The following GUCY2D variants were observed in gnomAD, a reference collection of about 807,000 sequenced individuals.
The protein encoded by GUCY2D is guanylate cyclase 2D, retinal, also known as retinal guanylyl cyclase 1.
GUCY2D carries 70 observed loss-of-function variants against 101.3 expected under a neutral mutation model. The observed-to-expected ratio is 0.69, with a 90% confidence interval of 0.57 to 0.84. The LOEUF (loss-of-function observed/expected upper bound fraction) is 0.84. Among genes scored for constraint, GUCY2D ranks in the 40% least tolerant of loss-of-function variants. GUCY2D has a pLI of 0.00. For synonymous variants in GUCY2D, 688 were observed against 670.7 expected (o/e 1.03, Z -0.40); for missense variants, 1,460 against 1,542.5 (o/e 0.95, Z 0.90).
intron 19 of GUCY2D, chr17:8,016,837 A>C (rs986369319): frequency 7.2e-6 from 3 of 419,052 alleles, no homozygotes; most frequent in African/African-American, 4.0e-5. Context: ...TGGCTTCCGC[A>C]GAAGCCTCAC....
chr17:8,008,095 G>A, intron 7 of GUCY2D, 63 bp downstream of exon 7: 1 of 994,874 alleles, frequency 1.0e-6, no homozygotes, highest in Non-Finnish European at 1.6e-6. Context: ...CCTGGGCAGA[G>A]GGGAGGCGCA....
rs61749754 is a variant in GUCY2D at position 8,007,982 on chromosome 17, C to T, written c.1618C>T (p.Arg540Cys). The T allele has an allele frequency of 5.4e-5, 87 of 1,613,652 alleles. No homozygotes were observed. The highest frequency in any genetic ancestry group is 1.4e-4 in the South Asian group (13 of 91,026). Residue 540 changes from arginine to cysteine, a missense_variant, in exon 7 of 20, where the codon CGC becomes TGC. Around this residue, in one of 3 missense-constraint regions of GUCY2D, gnomAD observed 1,196 missense variants for 1,229.6 expected, o/e 0.97. Coordinates refer to ENST00000254854, the MANE Select transcript of GUCY2D (RefSeq NM_000180.4). ...GGGTGCCCGCAGCATGTCAGACATT[C>T]GCAGCGGCCCCAGCCAACACTTGGA... ...SLGARSMSDI[R>C]SGPSQHLDSP...
In GUCY2D at chr17:8,006,379, G is replaced by A. The variant is rs1170075010; in HGVS notation, c.1043G>A (p.Gly348Asp). The A allele has an allele frequency of 1.9e-6, 3 of 1,600,362 alleles. No individual in the cohort carries two copies. Among genetic ancestry groups the A allele is most frequent in the Non-Finnish European group, 2.5e-6 (3 of 1,179,936 alleles). The change falls in exon 4 of 20, where the codon GGC becomes GAC. Residue 348 changes from glycine (G) to aspartate (D), a missense_variant. Coordinates refer to ENST00000254854, the MANE Select transcript of GUCY2D (RefSeq NM_000180.4). ...LNLQQVSPLF[G>D]TIYDAVFLLA... ...CTTCTCCAGGTCTCCCCACTCTTTGGCACCATCTATGACGCGGTCTTCTTG... is the reference window on the plus strand; with the variant it reads ...CTTCTCCAGGTCTCCCCACTCTTTGACACCATCTATGACGCGGTCTTCTTG...
In GUCY2D at chr17:8,003,390, T is replaced by C. The variant is rs562248093; in HGVS notation, c.343T>C (p.Ser115Pro). ...GACGCCGGGCTCGCTGGGGGCCGTG[T>C]CCTCCGCGCTGGCCCGCGTGTCGGG... The part of the protein sequence containing the change: ...CRTPGSLGAV[S>P]SALARVSGLV... The change falls in exon 2 of 20, where the codon TCC becomes CCC. Residue 115 changes from serine (S) to proline (P), a missense_variant. Coordinates refer to ENST00000254854, the MANE Select transcript of GUCY2D (RefSeq NM_000180.4). 198 of 1,475,088 alleles carry C rather than the reference T, an allele frequency of 1.3e-4. No homozygotes were observed. The East Asian group carries it at 2.2e-3, about 17-fold the overall frequency. The allele number at this position is 1,475,088 out of a possible 1,614,324, so 91.4% of individuals were successfully genotyped here. A position where few individuals can be genotyped will look rare whatever the true frequency, so the allele number is the denominator to read the frequency against.
At chr17:8,010,808 CA>C (rs566986521) in intron 8 of GUCY2D, among the ~76,000 whole-genome samples, 3,210 of 71,630 alleles carry the variant, frequency 0.045, 40 homozygotes, top group Middle Eastern at 0.14. Context: ...GATTCCGTCT[CA>C]AAAAAAAAAA....
At position 8,003,253 on chromosome 17, in the gene GUCY2D, C is replaced by G. The variant is rs1328542671; in HGVS notation, c.206C>G (p.Ser69Cys). 1.3e-6 allele frequency: 2 copies of G among 1,513,662 alleles called. No homozygotes were observed. Among genetic ancestry groups the G allele is most frequent in the Admixed American group, 4.1e-5 (2 of 48,340 alleles). 93.8% of individuals were successfully genotyped at this position (1,513,662 alleles called of 1,614,324 possible). The change falls in exon 2 of 20, where the codon TCT (serine) becomes TGT (cysteine). Residue 69 changes from serine to cysteine, a missense_variant. Physicochemically the swap from Ser to Cys is moderately radical, Grantham distance 112. Transcript: ENST00000254854. ...CCCTGGGCTTGCGACCCCATCTTCT[C>G]TCGGGCTCGCCCGGACCTGGCCGCC... The part of the protein sequence containing the change: ...LGPWACDPIF[S>C]RARPDLAARL...
At position 8,006,721 on chromosome 17, in the gene GUCY2D, G is replaced by T. The variant is rs1390530920; in HGVS notation, c.1378+7G>T. Reference sequence around the variant, plus strand: ...AACAACATCTGCGGTGGAGGTGAGGGCGAGCACCCCAGTCCCCACTGAGAC... The same window carrying T: ...AACAACATCTGCGGTGGAGGTGAGGTCGAGCACCCCAGTCCCCACTGAGAC... On this transcript the variant is annotated splice_region_variant and intron_variant, in intron 4 of 19. Coordinates refer to ENST00000254854, the MANE Select transcript of GUCY2D (RefSeq NM_000180.4). The T allele has an allele frequency of 6.3e-7, 1 of 1,591,888 alleles. No individual in the cohort carries two copies. Among genetic ancestry groups the T allele is most frequent in the Non-Finnish European group, 8.6e-7 (1 of 1,167,352 alleles).
rs1238175424 is a variant in GUCY2D, at chr17:8,004,122, G to A, written c.992G>A (p.Arg331His). Residue 331 changes from arginine (R) to histidine (H), a missense_variant, in exon 3 of 20, where the codon CGC becomes CAC. This residue lies in a region of GUCY2D where 1,196 missense variants were observed against 1,229.6 expected (regional missense o/e 0.97). Transcript: ENST00000254854. ...GACAGCCTGCGCAGGGCTCAAGAGC[G>A]CCGCGAGCTGCCCTCTGACCTCAAT... Reference protein sequence around the residue: ...VLDSLRRAQERRELPSDLNLQ... With the variant: ...VLDSLRRAQEHRELPSDLNLQ... 6.3e-7 allele frequency: 1 copy of A among 1,597,488 alleles called. No homozygotes were observed. Among genetic ancestry groups the A allele is most frequent in the Non-Finnish European group, 8.5e-7 (1 of 1,177,600 alleles).
rs752146300 is a variant in GUCY2D at position 8,003,035 on chromosome 17, G to T, written c.-9-4G>T. 9.8e-6 allele frequency: 15 copies of T among 1,524,442 alleles called. No homozygotes were observed. The highest frequency in any genetic ancestry group is 1.4e-5 in the African/African-American group (1 of 71,146). 94.4% of individuals were successfully genotyped at this position (1,524,442 alleles called of 1,614,324 possible). On this transcript the variant is annotated splice_polypyrimidine_tract_variant and splice_region_variant and intron_variant, in intron 1 of 19. Transcript: ENST00000254854. ...CGCTCAGCCTGCTCCGTCTGTGTTC[G>T]CAGAAGCCGGCAATGACCGCCTGCG...
Position 8,011,947 on chromosome 17 carries a change from C to T in GUCY2D, c.1750-197C>T, listed in dbSNP as rs889690070. Among the ~76,000 whole-genome samples the T allele has an allele frequency of 1.6e-4, 24 of 152,324 alleles. No homozygotes were observed. Among genetic ancestry groups the T allele is most frequent in the Admixed American group, 5.9e-4 (9 of 15,308 alleles). On this transcript the variant is annotated intron_variant, in intron 8 of 19. Coordinates refer to ENST00000254854, the MANE Select transcript of GUCY2D (RefSeq NM_000180.4). The surrounding 1 kb of genome is among the most constrained non-coding windows in gnomAD (Gnocchi z 4.3). ...CCATACTCAGTATCCAAACAGTGGC[C>T]TTTGACTATATTGTTTTTTCCAAAA...
At position 8,004,564 on chromosome 17, in the gene GUCY2D, T is replaced by TGG. The variant is rs1200924176; in HGVS notation, c.1026+409_1026+410dup. Among the ~76,000 whole-genome samples the TGG allele has an allele frequency of 2.8e-4, 42 of 152,298 alleles. No individual in the cohort carries two copies. In the South Asian group the frequency reaches 8.3e-3, roughly 30 times the overall value. On this transcript the variant is annotated intron_variant, in intron 3 of 19. Transcript: ENST00000254854. The stretch of plus-strand genomic sequence containing the variant: ...GAGGTATTTCCTCTGGGGCCTCATC[T>TGG]GGTGGTCTTAGCTTTTCAAGGGCCT...
intron 14 of GUCY2D, 45 bp from the exon 15 acceptor site, chr17:8,015,283 G>T: frequency 1.9e-6 from 3 of 1,562,952 alleles, no homozygotes; most frequent in Non-Finnish European, 2.6e-6. Context: ...GTGTACTCGG[G>T]GGGAATGCTC....
chr17:8,012,795 T>G (rs1259526640), intron 10 of GUCY2D, among the ~76,000 whole-genome samples, 189 bp downstream of exon 10: 2 of 152,202 alleles, frequency 1.3e-5, no homozygotes, highest in Admixed American at 1.3e-4. Context: ...ACGGGGCTGC[T>G]GGGGGCGGGA....
In GUCY2D at chr17:8,003,150, C is replaced by A; in HGVS notation, c.103C>A (p.Arg35=). 2 of 1,509,136 alleles carry A rather than the reference C, an allele frequency of 1.3e-6. No individual in the cohort carries two copies. The highest frequency in any genetic ancestry group is 1.8e-6 in the Non-Finnish European group (2 of 1,134,654). The allele number at this position is 1,509,136 out of a possible 1,614,324, so 93.5% of individuals were successfully genotyped here. Residue 35 remains arginine, a synonymous_variant, in exon 2 of 20, where the codon CGG becomes AGG. Transcript: ENST00000254854. Reference sequence around the variant, plus strand: ...GCCCCGCCTCCCCCGGGCCCTGCCCCGGCTCCCGCTCCTGCTGCTCCTGCT... The same window carrying A: ...GCCCCGCCTCCCCCGGGCCCTGCCCAGGCTCCCGCTCCTGCTGCTCCTGCT... ...SLPRLPRALP[R]LPLLLLLLLL... is the part of the protein sequence containing the mutation.
Position 8,014,394 on chromosome 17 carries a change from G to T in GUCY2D, c.2413-207G>T. On this transcript the variant is annotated intron_variant, in intron 12 of 19. Transcript: ENST00000254854. The surrounding 1 kb of genome is among the most constrained non-coding windows in gnomAD (Gnocchi z 4.0). ...ACTAGCTGAGATCAACTGACCTCTG[G>T]GAACCCTCATTTCCCACGTGCCTCC... The T allele has an allele frequency of 1.6e-6, 1 of 643,130 alleles. No homozygotes were observed. 39.8% of individuals were successfully genotyped at this position (643,130 alleles called of 1,614,324 possible).
intron 3 of GUCY2D, among the ~76,000 whole-genome samples, chr17:8,004,384 C>T (rs1598144967): frequency 6.6e-6 from 1 of 152,296 alleles, no homozygotes; most frequent in South Asian, 2.1e-4. Flanking sequence ...AAGCAGTAAA[C>T]TCTAATGAAC....
At chr17:8,018,160 G>T (rs1976011315) in intron 19 of GUCY2D, among the ~76,000 whole-genome samples, 1 of 152,128 alleles carries the variant, frequency 6.6e-6, no homozygotes, top group South Asian at 2.1e-4. Flanking sequence ...AACCACCTAG[G>T]CTGCCACCAG....
intron 14 of GUCY2D, 44 bp from the exon 15 acceptor site, chr17:8,015,284 G>A (rs1478637908): frequency 2.6e-6 from 4 of 1,565,152 alleles, no homozygotes; most frequent in Admixed American, 1.7e-5. Flanking sequence ...TGTACTCGGG[G>A]GGAATGCTCA....
At chr17:8,006,947 C>T in intron 4 of GUCY2D, 113 bp from the exon 5 acceptor site, 2 of 920,152 alleles carry the variant, frequency 2.2e-6, no homozygotes, top group Non-Finnish European at 3.5e-6. Context: ...CCTAGAGCCT[C>T]TCTGGGCCCC....
Sources: gnomAD v4.1 joint callset for allele counts (sites outside exome capture counted in the v4.1 genomes callset) on GRCh38, gnomAD v4.1.1 for gene constraint, gnomAD v4.1.1 regional missense constraint, Gnocchi (gnomAD v3.1) non-coding constraint, MANE v1.5 for transcripts, NCBI Gene and HGNC (gene_info 2026-07-23, HGNC 2026-07-21) for gene names.